Variants in DIP2C observed in about 807,000 individuals in gnomAD.
DIP2C encodes disco-interacting protein 2 homolog C.
A neutral mutation model predicts 192.4 loss-of-function variants in DIP2C; 33 were observed. The ratio of observed to expected loss-of-function variants is 0.17; its 90% CI spans 0.13 to 0.23. The LOEUF (loss-of-function observed/expected upper bound fraction) is 0.23. Among genes scored for constraint, DIP2C ranks in the 10% least tolerant of loss-of-function variants. The pLI is 1.00. For synonymous variants in DIP2C, 979 were observed against 864.1 expected, an observed-to-expected ratio of 1.13 and a Z score of -2.33; for missense variants, 1,537 against 2,110.1, an observed-to-expected ratio of 0.73 and a Z score of 5.32.
chr10:517,404 G>A (rs1846431819), intron 1 of DIP2C, among the ~76,000 whole-genome samples: 1 of 152,076 alleles, frequency 6.6e-6, no homozygotes, highest in South Asian at 2.1e-4. Flanking sequence ...CTGTTTTCTG[G>A]GGAAAGCCTC....
chr10:302,201 G>A lies in DIP2C; in HGVS notation c.3986+7830C>T, dbSNP rs539774726. Among the ~76,000 whole-genome samples, 3 of 152,264 alleles carry A rather than the reference G, an allele frequency of 2.0e-5. No individual in the cohort carries two copies. In the East Asian group the frequency reaches 5.8e-4, roughly 29 times the overall value. On this transcript the variant is annotated intron_variant, in intron 32 of 36. Transcript: ENST00000280886. ...TCAGATAATTGTACTGAGACTTACA[G>A]CTGGCCAGCATTGTCCCAAGCACCT...
intron 1 of DIP2C, among the ~76,000 whole-genome samples, chr10:621,321 C>G (rs112311524): frequency 3.3e-5 from 5 of 150,238 alleles, no homozygotes; most frequent in African/African-American, 1.2e-4. Context: ...CCACACACAC[C>G]CCCAAGGTGT....
intron 1 of DIP2C, chr10:650,935 G>A (rs781020066): frequency 9.8e-6 from 7 of 715,974 alleles, no homozygotes; most frequent in Middle Eastern, 2.3e-4. Flanking sequence ...AGGACCCCGA[G>A]GCTACACAGC....
intron 1 of DIP2C, among the ~76,000 whole-genome samples, chr10:554,467 T>C (rs185489810): frequency 6.6e-6 from 1 of 152,386 alleles, no homozygotes; most frequent in East Asian, 1.9e-4. Flanking sequence ...GTGCTGCTTA[T>C]ATAAAATACA....
At chr10:474,214 CAT>C (rs1388967481) in intron 2 of DIP2C, among the ~76,000 whole-genome samples, 6 of 152,332 alleles carry the variant, frequency 3.9e-5, no homozygotes, top group East Asian at 3.9e-4. Flanking sequence ...GGACTTACCA[CAT>C]GACTTCCTGA....
At chr10:371,048 C>T (rs12784967) in intron 17 of DIP2C, among the ~76,000 whole-genome samples, 149,838 of 152,292 alleles carry the variant, frequency 0.98, 73,755 homozygotes, top group Middle Eastern at 1. Flanking sequence ...CTCAGATCCC[C>T]GGGCTTTCCA....
At chr10:425,397 A>G (rs1966520168) in intron 4 of DIP2C, among the ~76,000 whole-genome samples, 1 of 147,516 alleles carries the variant, frequency 6.8e-6, no homozygotes, top group Non-Finnish European at 1.5e-5. Flanking sequence ...GCGGTGACTA[A>G]TATGACACGG....
intron 1 of DIP2C, among the ~76,000 whole-genome samples, chr10:686,453 G>A (rs1469558089): frequency 2.0e-5 from 3 of 150,778 alleles, no homozygotes; most frequent in Admixed American, 6.6e-5. Context: ...CTCCCCACCC[G>A]CACAACCTCC....
intron 1 of DIP2C, among the ~76,000 whole-genome samples, chr10:538,190 C>T (rs992359080): frequency 2.0e-5 from 3 of 152,202 alleles, no homozygotes; most frequent in Non-Finnish European, 4.4e-5. Flanking sequence ...CAGGGTCTTG[C>T]TCTGTCACCC....
chr10:545,166 C>CCTTTTTTTTCT (rs1554896881), intron 1 of DIP2C, among the ~76,000 whole-genome samples: 3 of 86,336 alleles, frequency 3.5e-5, no homozygotes, highest in African/African-American at 1.7e-4. Context: ...GGTGTTTTCC[C>CCTTTTTTTTCT]TTTTTTTTTT....
chr10:419,894 A>G (rs1966063676), intron 5 of DIP2C, among the ~76,000 whole-genome samples: 1 of 152,232 alleles, frequency 6.6e-6, no homozygotes, highest in Admixed American at 6.5e-5. Flanking sequence ...CCCTGGAGAT[A>G]AAGTTAAGCC....
chr10:565,128 C>A (rs1186357564), intron 1 of DIP2C, among the ~76,000 whole-genome samples: 3 of 152,078 alleles, frequency 2.0e-5, no homozygotes, highest in Admixed American at 1.3e-4. Flanking sequence ...TTCCATGGAG[C>A]CTGGACCACC....
At chr10:442,563 C>T (rs1008829270) in intron 3 of DIP2C, among the ~76,000 whole-genome samples, 1 of 152,162 alleles carries the variant, frequency 6.6e-6, no homozygotes, top group East Asian at 1.9e-4. Context: ...TTCAGATACA[C>T]AGAAAATCTG....
chr10:467,395 G>T (rs1290074639), intron 3 of DIP2C, among the ~76,000 whole-genome samples: 1 of 138,948 alleles, frequency 7.2e-6, no homozygotes, highest in African/African-American at 2.7e-5. Flanking sequence ...GTGGGGGGAG[G>T]TGGGAGGGAT....
rs572935217 is a variant in DIP2C at position 417,841 on chromosome 10, C to T, written c.739+1224G>A. On this transcript the variant is annotated intron_variant, in intron 6 of 36. Transcript: ENST00000280886. ...CAGGGCGCGGACAGGCCTCCCTGTC[C>T]ACCTGCACCTGTCAGAGCTCGGACA... Among the ~76,000 whole-genome samples the T allele has an allele frequency of 6.2e-4, 39 of 62,710 alleles. 8 individuals are homozygous for T. Among genetic ancestry groups the T allele is most frequent in the African/African-American group, 2.7e-3 (25 of 9,398 alleles). 41.1% of individuals were successfully genotyped at this position (62,710 alleles called of 152,430 possible).
chr10:398,385 A>C (rs1964156650), intron 10 of DIP2C, among the ~76,000 whole-genome samples: 1 of 152,216 alleles, frequency 6.6e-6, no homozygotes, highest in Admixed American at 6.5e-5. Flanking sequence ...AAAATCTTAG[A>C]ATCCACCTGT....
At chr10:329,290 T>C (rs1957397714) in intron 30 of DIP2C, 143 bp downstream of exon 30, 1 of 817,784 alleles carries the variant, frequency 1.2e-6, no homozygotes, top group Non-Finnish European at 1.7e-6. Context: ...ATAAAGGCAG[T>C]TTGTAAGCTT....
intron 31 of DIP2C, among the ~76,000 whole-genome samples, chr10:320,279 G>A (rs1039138214): frequency 6.6e-6 from 1 of 152,200 alleles, no homozygotes; most frequent in African/African-American, 2.4e-5. Context: ...GCAGGCTGAG[G>A]TGGGAGGATC....
chr10:458,573 C>G (rs944377759), intron 3 of DIP2C, among the ~76,000 whole-genome samples: 1 of 151,372 alleles, frequency 6.6e-6, no homozygotes, highest in Non-Finnish European at 1.5e-5. Context: ...GCTCAGAACC[C>G]GTGACGGCAA....
Sources: allele counts gnomAD v4.1 joint callset (sites outside exome capture counted in the v4.1 genomes callset), GRCh38; gene constraint gnomAD v4.1.1; transcripts MANE v1.5; gene names NCBI Gene and HGNC (gene_info 2026-07-23, HGNC 2026-07-21).